Variants in ALDH4A1 observed in about 807,000 individuals in gnomAD.
The protein encoded by ALDH4A1 is delta-1-pyrroline-5-carboxylate dehydrogenase, mitochondrial.
Under a neutral mutation model 70.5 loss-of-function variants are expected in ALDH4A1, and 46 were observed. The ratio of observed to expected loss-of-function variants is 0.65; its 90% confidence interval spans 0.51 to 0.83. The LOEUF is 0.83. Ranked by LOEUF, ALDH4A1 falls within the 40% of genes least tolerant of loss-of-function variation. The pLI, the probability that ALDH4A1 is intolerant of heterozygous loss-of-function variation, is 0.00. For synonymous variants in ALDH4A1, 323 were observed against 324.3 expected (o/e 1.00, Z 0.04); for missense variants, 749 against 766.5 (o/e 0.98, Z 0.27).
chr1:18,875,533 C>T, intron 12 of ALDH4A1, 30 bp from the exon 13 acceptor site: 1 of 1,613,720 alleles, frequency 6.2e-7, no homozygotes, highest in Non-Finnish European at 8.5e-7. Context: ...GTCAGACCCT[C>T]CACGGGACCA....
intron 7 of ALDH4A1, 102 bp from the exon 8 acceptor site, chr1:18,881,989 C>T (rs746214121): frequency 5.2e-5 from 63 of 1,202,968 alleles, no homozygotes; most frequent in Non-Finnish European, 7.0e-5. Flanking sequence ...CCTGGAACCA[C>T]CAGACTCTGT....
intron 5 of ALDH4A1, among the ~76,000 whole-genome samples, chr1:18,884,100 C>A (rs537018273): frequency 6.6e-6 from 1 of 152,270 alleles, no homozygotes; most frequent in African/African-American, 2.4e-5. Flanking sequence ...ACACACAGCC[C>A]ATGAAGCTGA....
At position 18,890,065 on chromosome 1, in the gene ALDH4A1, C is replaced by T. The variant is rs150027463; in HGVS notation, c.103G>A (p.Glu35Lys). The T allele has an allele frequency of 6.2e-7, 1 of 1,613,072 alleles. No homozygotes were observed. The highest frequency in any genetic ancestry group is 8.5e-7 in the Non-Finnish European group (1 of 1,179,780). ...CCCTGCGTGAAGGCTAAGACGGGCT[C>T]GTTGGCCACCTTCAGGGAGGAGGTG... ...KHTSSLKVAN[E>K]PVLAFTQGSP... Residue 35 changes from glutamate to lysine, a missense_variant, in exon 2 of 15, where the codon GAG becomes AAG. Glu to Lys is a moderately conservative substitution (Grantham distance 56, BLOSUM62 1). Coordinates refer to ENST00000375341, the MANE Select transcript of ALDH4A1 (RefSeq NM_003748.4).
intron 8 of ALDH4A1, among the ~76,000 whole-genome samples, chr1:18,879,647 G>T (rs1934885256): frequency 6.6e-6 from 1 of 152,176 alleles, no homozygotes; most frequent in Admixed American, 6.5e-5. Flanking sequence ...TCTGAGCCTC[G>T]AATTCTGCAC....
chr1:18,887,459 C>T lies in ALDH4A1; in HGVS notation c.250-948G>A, dbSNP rs541421654. The stretch of plus-strand genomic sequence containing the variant: ...CTAAAAATACAAAAAATTAGCTGGG[C>T]GTGGTGGCGGATGCCTGTAATCCCA... On this transcript the variant is annotated intron_variant, in intron 3 of 14. Transcript: ENST00000375341. Among the ~76,000 whole-genome samples the T allele has an allele frequency of 3.4e-4, 52 of 152,284 alleles. 1 individual carries two copies. The highest frequency in any genetic ancestry group is 7.7e-4 in the African/African-American group (32 of 41,548).
intron 8 of ALDH4A1, 124 bp from the exon 9 acceptor site, chr1:18,879,497 G>T: frequency 1.2e-6 from 1 of 826,498 alleles, no homozygotes. Flanking sequence ...CGGGGATGGC[G>T]GCTGGGAACA....
rs1356729999 is a variant in ALDH4A1 at position 18,877,203 on chromosome 1, C to T, written c.1185+5G>A. 16 of 1,607,778 alleles carry T rather than the reference C, an allele frequency of 1.0e-5. No individual in the cohort carries two copies. The highest frequency in any genetic ancestry group is 1.4e-5 in the Non-Finnish European group (16 of 1,177,076). On this transcript the variant is annotated splice_donor_5th_base_variant and intron_variant, in intron 11 of 14. Transcript: ENST00000375341. ...ACCCAGGAACGCCCACTTCCCACCC[C>T]GTACCTTGGCATCAATCACTGCAGA...
At chr1:18,894,462 G>C (rs573560581) in intron 1 of ALDH4A1, among the ~76,000 whole-genome samples, 1 of 152,258 alleles carries the variant, frequency 6.6e-6, no homozygotes, top group Non-Finnish European at 1.5e-5. Flanking sequence ...AGAATCACTT[G>C]AACCTGGGAG....
At position 18,898,196 on chromosome 1, in the gene ALDH4A1, G is replaced by A. The variant is rs529380344; in HGVS notation, c.62+4266C>T. On this transcript the variant is annotated intron_variant, in intron 1 of 14. Coordinates refer to ENST00000375341, the MANE Select transcript of ALDH4A1 (RefSeq NM_003748.4). This position sits in a 1 kb window ranked among gnomAD's most constrained non-coding sequence, Gnocchi z 4.3. ...AAATTAGCTGGGTATGGTGATGTGC[G>A]CCTGTAGTTCCAGCTACTTGGGAGG... Among the ~76,000 whole-genome samples, 3 of 152,072 alleles carry A rather than the reference G, an allele frequency of 2.0e-5. No individual in the cohort carries two copies. The highest frequency in any genetic ancestry group is 2.1e-4 in the South Asian group (1 of 4,820).
At chr1:18,889,522 G>A (rs375498281) in intron 2 of ALDH4A1, 68 bp from the exon 3 acceptor site, 143 of 1,399,128 alleles carry the variant, frequency 1.0e-4, no homozygotes, top group African/African-American at 6.7e-4. Flanking sequence ...AAACCCTAAC[G>A]CAGAGTCCAC....
intron 5 of ALDH4A1, 32 bp downstream of exon 5, chr1:18,885,441 G>GCCCCCCCC: frequency 2.4e-6 from 1 of 423,746 alleles, no homozygotes. Context: ...ACCCCACCCC[G>GCCCCCCCC]CCCCACCCAC....
intron 11 of ALDH4A1, 40 bp downstream of exon 11, chr1:18,877,168 G>A (rs751282737): frequency 1.9e-6 from 3 of 1,595,206 alleles, no homozygotes; most frequent in Admixed American, 1.7e-5. Context: ...CCACTCCAGG[G>A]CTTGCCCCCA....
rs370369758 is a variant in ALDH4A1, at chr1:18,889,379, C to T, written c.232G>A (p.Val78Met). 5.7e-5 allele frequency: 88 copies of T among 1,552,324 alleles called. No individual in the cohort carries two copies. Among genetic ancestry groups the T allele is most frequent in the African/African-American group, 3.3e-4 (24 of 73,054 alleles). The change falls in exon 3 of 15, where the codon GTG becomes ATG. Residue 78 changes from valine (V) to methionine (M), a missense_variant. By Grantham distance (21) the Val-to-Met change is conservative. Coordinates refer to ENST00000375341, the MANE Select transcript of ALDH4A1 (RefSeq NM_003748.4). ...GGACATACCGACACTTGGTACTGCA[C>T]GTCCGACGTCCACACCTCCTCATCC... ...VGDEEVWTSD[V>M]QYQVSPFNHG...
intron 5 of ALDH4A1, 31 bp from the exon 6 acceptor site, chr1:18,883,459 A>G: frequency 6.2e-7 from 1 of 1,612,404 alleles, no homozygotes; most frequent in Non-Finnish European, 8.5e-7. Flanking sequence ...GGTCAGGAGC[A>G]GCCAACAGCC....
chr1:18,890,317 A>G (rs1935387392), intron 1 of ALDH4A1: 2 of 523,148 alleles, frequency 3.8e-6, no homozygotes, highest in African/African-American at 1.9e-5. Flanking sequence ...CAAGGCGGGC[A>G]AATCACTTGA....
chr1:18,877,096 A>C lies in ALDH4A1; in HGVS notation c.1185+112T>G, dbSNP rs1368498543. Reference sequence around the variant, plus strand: ...GTGGCTGCTGAGCTGCCTTGATCAAAGCAGTGGGGCTGGGTCATGCCCTGG... The same window carrying C: ...GTGGCTGCTGAGCTGCCTTGATCAACGCAGTGGGGCTGGGTCATGCCCTGG... On this transcript the variant is annotated intron_variant, in intron 11 of 14. Coordinates refer to ENST00000375341, the MANE Select transcript of ALDH4A1 (RefSeq NM_003748.4). 3 of 1,353,714 alleles carry C rather than the reference A, an allele frequency of 2.2e-6. No individual in the cohort carries two copies. In the African/African-American group the frequency reaches 4.3e-5, roughly 20 times the overall value. The allele number at this position is 1,353,714 out of a possible 1,614,324, so 83.9% of individuals were successfully genotyped here.
Position 18,889,393 on chromosome 1 carries a change from A to G in ALDH4A1, c.218T>C (p.Val73Ala), listed in dbSNP as rs1240253091. The change falls in exon 3 of 15, where the codon GTG (valine) becomes GCG (alanine). Residue 73 changes from valine (V) to alanine (A), a missense_variant. Coordinates refer to ENST00000375341, the MANE Select transcript of ALDH4A1 (RefSeq NM_003748.4). The part of the protein sequence containing the change: ...AIPCVVGDEE[V>A]WTSDVQYQVS... The stretch of plus-strand genomic sequence containing the variant: ...TTGGTACTGCACGTCCGACGTCCAC[A>G]CCTCCTCATCCCCCACCACGCATGG... The G allele has an allele frequency of 2.6e-6, 4 of 1,552,626 alleles. No individual in the cohort carries two copies. Among genetic ancestry groups the G allele is most frequent in the Non-Finnish European group, 3.5e-6 (4 of 1,147,584 alleles).
At position 18,875,516 on chromosome 1, in the gene ALDH4A1, C is replaced by T. The variant is rs769328729; in HGVS notation, c.1339-13G>A. The T allele has an allele frequency of 6.2e-7, 1 of 1,613,936 alleles. No homozygotes were observed. The highest frequency in any genetic ancestry group is 8.5e-7 in the Non-Finnish European group (1 of 1,179,918). On this transcript the variant is annotated splice_polypyrimidine_tract_variant and intron_variant, in intron 12 of 14. Transcript: ENST00000375341. ...GCCCGAAGATCTCCTAGGAGAGAGG[C>T]CCCGGCGTCAGACCCTCCACGGGAC...
chr1:18,881,166 C>T (rs1292760770), intron 8 of ALDH4A1, among the ~76,000 whole-genome samples: 1 of 152,120 alleles, frequency 6.6e-6, no homozygotes, highest in Non-Finnish European at 1.5e-5. Context: ...CTTGCCCTGT[C>T]GCCCCCAAAC....
Sources: allele counts gnomAD v4.1 joint callset (sites outside exome capture counted in the v4.1 genomes callset), GRCh38; gene constraint gnomAD v4.1.1; non-coding constraint Gnocchi (gnomAD v3.1); transcripts MANE v1.5; gene names NCBI Gene and HGNC (gene_info 2026-07-23, HGNC 2026-07-21).